Variants in TXNRD1 observed in about 807,000 individuals in gnomAD.
The protein encoded by TXNRD1 is thioredoxin reductase 1, also known as thioredoxin reductase 1, cytoplasmic.
TXNRD1 carries 57 observed loss-of-function variants against 80.3 expected under a neutral mutation model. The ratio of observed to expected loss-of-function variants is 0.71; its 90% CI spans 0.57 to 0.89. The LOEUF is 0.89. Ranked by LOEUF, TXNRD1 falls within the 40% of genes least tolerant of loss-of-function variation. The pLI, the probability that TXNRD1 is intolerant of heterozygous loss-of-function variation, is 0.00. For synonymous variants in TXNRD1, 291 were observed against 285.2 expected (o/e 1.02, Z -0.20); for missense variants, 730 against 803.0 (o/e 0.91, Z 1.10).
chr12:104,284,911 C>T (rs538526913), intron 3 of TXNRD1, among the ~76,000 whole-genome samples: 1 of 152,304 alleles, frequency 6.6e-6, no homozygotes, highest in South Asian at 2.1e-4. Context: ...CACAGTGGCT[C>T]ACACCTGTAA....
chr12:104,285,776 G>T (rs982450370), intron 3 of TXNRD1, among the ~76,000 whole-genome samples: 1 of 152,154 alleles, frequency 6.6e-6, no homozygotes, highest in Non-Finnish European at 1.5e-5. Flanking sequence ...AGGAGTAAAT[G>T]TTTTTTGTTC....
chr12:104,259,499 T>C (rs898055363), intron 3 of TXNRD1, among the ~76,000 whole-genome samples: 1 of 150,590 alleles, frequency 6.6e-6, no homozygotes, highest in Non-Finnish European at 1.5e-5. Context: ...TCTTTTTTTT[T>C]TTTTTTTTTG....
intron 1 of TXNRD1, among the ~76,000 whole-genome samples, chr12:104,242,142 T>C (rs1854261552): frequency 6.6e-6 from 1 of 151,432 alleles, no homozygotes; most frequent in Non-Finnish European, 1.5e-5. Flanking sequence ...TTTCACCAAG[T>C]TGGCCAGAGT....
rs60829935 is a variant in TXNRD1 at position 104,266,524 on chromosome 12, C to CAAAA, written c.304+8462_304+8465dup. ...CTGGTGACAGAGCGAGAATTCATCT[C>CAAAA]AAAAAAAAAAAAAAAAAAAATTAGT... On this transcript the variant is annotated intron_variant, in intron 3 of 16. Coordinates refer to ENST00000525566, the MANE Select transcript of TXNRD1 (RefSeq NM_001093771.3). Among the ~76,000 whole-genome samples, 94 of 111,420 alleles carry CAAAA rather than the reference C, an allele frequency of 8.4e-4. 1 individual carries two copies. The highest frequency in any genetic ancestry group is 4.8e-3 in the East Asian group (16 of 3,364). The allele number at this position is 111,420 out of a possible 152,430, so 73.1% of individuals were successfully genotyped here. A position where few individuals can be genotyped will look rare whatever the true frequency, so the allele number is the denominator to read the frequency against.
chr12:104,285,688 CT>C (rs2033955882), intron 3 of TXNRD1, among the ~76,000 whole-genome samples: 1 of 152,086 alleles, frequency 6.6e-6, no homozygotes, highest in African/African-American at 2.4e-5. Context: ...GTTTATGACC[CT>C]GGTTCATGGG....
chr12:104,265,612 A>C, intron 3 of TXNRD1: 1 of 1,607,326 alleles, frequency 6.2e-7, no homozygotes, highest in Non-Finnish European at 8.5e-7. Context: ...GGACCTGACC[A>C]CCGCAGGCGC....
At chr12:104,267,715 T>TTC (rs1358262234) in intron 3 of TXNRD1, among the ~76,000 whole-genome samples, 1 of 49,606 alleles carries the variant, frequency 2.0e-5, no homozygotes, top group Non-Finnish European at 4.9e-5. Flanking sequence ...CTTTCTTTCT[T>TTC]TCTTTCTCTT....
intron 10 of TXNRD1, among the ~76,000 whole-genome samples, chr12:104,324,353 G>A (rs563702491): frequency 3.3e-5 from 4 of 120,156 alleles, no homozygotes; most frequent in South Asian, 2.7e-4. Context: ...GGTGGGTTTC[G>A]TTTTTTTTTT....
intron 1 of TXNRD1, chr12:104,224,953 A>G (rs376727005): frequency 4.8e-5 from 22 of 456,326 alleles, no homozygotes; most frequent in African/African-American, 4.2e-4. Flanking sequence ...TTTACAGTGT[A>G]TTTCCAATGT....
At chr12:104,313,566 A>G (rs2035215227) in intron 6 of TXNRD1, among the ~76,000 whole-genome samples, 1 of 152,212 alleles carries the variant, frequency 6.6e-6, no homozygotes. Context: ...AAAGGTAAAT[A>G]TTTGAGTAAT....
chr12:104,242,231 G>A (rs935643308), intron 1 of TXNRD1, among the ~76,000 whole-genome samples: 1 of 151,738 alleles, frequency 6.6e-6, no homozygotes, highest in African/African-American at 2.4e-5. Context: ...GAGCCACTGT[G>A]TCCGGCCTAC....
chr12:104,288,854 C>T (rs770670404), intron 3 of TXNRD1, 77 bp from the exon 4 acceptor site: 25 of 1,612,480 alleles, frequency 1.6e-5, no homozygotes, highest in Non-Finnish European at 1.9e-5. Flanking sequence ...GACGGAAGCC[C>T]CGCCCCCGGC....
intron 3 of TXNRD1, among the ~76,000 whole-genome samples, chr12:104,271,351 G>A (rs7969380): frequency 0.91 from 137,760 of 151,872 alleles, 62,719 homozygotes; most frequent in African/African-American, 0.98. Context: ...AATTTTTTGT[G>A]TTTTTTTAGT....
At chr12:104,307,253 T>C (rs1159093943) in intron 4 of TXNRD1, among the ~76,000 whole-genome samples, 1 of 152,242 alleles carries the variant, frequency 6.6e-6, no homozygotes, top group Non-Finnish European at 1.5e-5. Flanking sequence ...AATACGTTTG[T>C]ATACTGAATA....
intron 7 of TXNRD1, 123 bp from the exon 8 acceptor site, chr12:104,318,790 T>G (rs1391630184): frequency 1.1e-6 from 1 of 924,368 alleles, no homozygotes; most frequent in Non-Finnish European, 1.6e-6. Flanking sequence ...AAATGGAGGA[T>G]TTGCCCTTTC....
intron 4 of TXNRD1, among the ~76,000 whole-genome samples, chr12:104,294,103 G>A (rs2034335704): frequency 2.0e-5 from 3 of 152,146 alleles, no homozygotes; most frequent in Non-Finnish European, 4.4e-5. Flanking sequence ...GACTAGGAGT[G>A]TGACCACTGA....
chr12:104,331,109 G>C (rs2035932594), intron 13 of TXNRD1, among the ~76,000 whole-genome samples: 1 of 151,894 alleles, frequency 6.6e-6, no homozygotes, highest in Non-Finnish European at 1.5e-5. Flanking sequence ...GGGCCAAAAG[G>C]ATAAAATGTT....
chr12:104,311,254 A>T (rs35186489), intron 4 of TXNRD1, 36 bp from the exon 5 acceptor site: 15 of 1,527,264 alleles, frequency 9.8e-6, no homozygotes, highest in Non-Finnish European at 1.2e-5. Flanking sequence ...GCTGATTTTA[A>T]GTTAAATTAT....
At chr12:104,298,808 G>GTTT (rs11372608) in intron 4 of TXNRD1, among the ~76,000 whole-genome samples, 47 of 148,760 alleles carry the variant, frequency 3.2e-4, no homozygotes, top group African/African-American at 1.1e-3. Context: ...TTTGTATACA[G>GTTT]TTTTTTTTTT....
Sources: allele counts gnomAD v4.1 joint callset (sites outside exome capture counted in the v4.1 genomes callset), GRCh38; gene constraint gnomAD v4.1.1; transcripts MANE v1.5; gene names NCBI Gene and HGNC (gene_info 2026-07-23, HGNC 2026-07-21).